C6orf118: variants seen among roughly 807,000 people sequenced by gnomAD.
C6orf118 encodes the protein uncharacterized protein C6orf118.
In C6orf118, 50 loss-of-function variants were observed where a neutral mutation model predicts 50.2. The ratio of observed to expected loss-of-function variants is 1.00; its 90% CI spans 0.79 to 1.26. The LOEUF (loss-of-function observed/expected upper bound fraction) is 1.26. Among genes scored for constraint, C6orf118 ranks in the 50% most tolerant of loss-of-function variants. The pLI is 0.00. For missense variants in C6orf118, 641 were observed against 578.7 expected, an observed-to-expected ratio of 1.11 and a Z score of -1.10; for synonymous variants, 239 against 230.9, an observed-to-expected ratio of 1.03 and a Z score of -0.32.
At chr6:165,297,175 C>G (rs1424284202) in intron 5 of C6orf118, among the ~76,000 whole-genome samples, 1 of 152,096 alleles carries the variant, frequency 6.6e-6, no homozygotes, top group East Asian at 1.9e-4. Context: ...AATCCCAGCA[C>G]TTTGGGAGGC....
At chr6:165,292,883 C>G (rs1310798274) in intron 6 of C6orf118, among the ~76,000 whole-genome samples, 1 of 152,156 alleles carries the variant, frequency 6.6e-6, no homozygotes, top group South Asian at 2.1e-4. Context: ...CGAGGCCAAG[C>G]TCTACTAAGA....
chr6:165,282,177 A>T (rs1371264576), intron 7 of C6orf118, among the ~76,000 whole-genome samples: 2 of 152,170 alleles, frequency 1.3e-5, no homozygotes, highest in African/African-American at 4.8e-5. Context: ...TACATTAAGT[A>T]AGTATAAAAT....
chr6:165,293,241 C>G lies in C6orf118; in HGVS notation c.1120+172G>C, dbSNP rs1780166743. 5 of 681,510 alleles carry G rather than the reference C, an allele frequency of 7.3e-6. No homozygotes were observed. In the Admixed American group the frequency reaches 9.6e-5, roughly 13 times the overall value. 42.2% of individuals were successfully genotyped at this position (681,510 alleles called of 1,614,324 possible). A position where few individuals can be genotyped will look rare whatever the true frequency, so the allele number is the denominator to read the frequency against. On this transcript the variant is annotated intron_variant, in intron 6 of 8. Coordinates refer to ENST00000230301, the MANE Select transcript of C6orf118 (RefSeq NM_144980.4). Reference sequence around the variant, plus strand: ...CAAACAGGCAGTCACCACCACGTGCCAGGCCCTGTGATCTTGGGTGATGTG... The same window carrying G: ...CAAACAGGCAGTCACCACCACGTGCGAGGCCCTGTGATCTTGGGTGATGTG...
At position 165,301,670 on chromosome 6, in the gene C6orf118, A is replaced by G. The variant is rs1349510684; in HGVS notation, c.652T>C (p.Phe218Leu). The G allele has an allele frequency of 1.2e-6, 2 of 1,614,022 alleles. No individual in the cohort carries two copies. The highest frequency in any genetic ancestry group is 2.7e-5 in the African/African-American group (2 of 74,904). ...AGCACTTCCTTCTGGAAACGCAGGA[A>G]CATCCTGTACCTGTCTGCGCTGGTG... ...GATSADRYRM[F>L]LRFQKEVLAK... is the part of the protein sequence containing the mutation. The change falls in exon 2 of 9, where the codon TTC becomes CTC. Residue 218 changes from phenylalanine to leucine, a missense_variant. Phe to Leu is a conservative substitution (Grantham distance 22, BLOSUM62 0). Coordinates refer to ENST00000230301, the MANE Select transcript of C6orf118 (RefSeq NM_144980.4).
intron 5 of C6orf118, among the ~76,000 whole-genome samples, chr6:165,297,502 T>G (rs1043481090): frequency 3.3e-5 from 5 of 152,184 alleles, no homozygotes; most frequent in Non-Finnish European, 4.4e-5. Context: ...TTGGTTTTGT[T>G]TCTTGTTTCA....
intron 1 of C6orf118, among the ~76,000 whole-genome samples, chr6:165,305,214 C>A (rs1166250715): frequency 7.4e-5 from 5 of 67,402 alleles, no homozygotes; most frequent in Non-Finnish European, 1.2e-4. Flanking sequence ...GAAAAACAAG[C>A]AATGGGGAAA....
Position 165,299,460 on chromosome 6 carries a change from G to T in C6orf118, c.919C>A (p.Pro307Thr), listed in dbSNP as rs761791987. Residue 307 changes from proline (P) to threonine (T), a missense_variant, in exon 4 of 9, where the codon CCT becomes ACT. Physicochemically the swap from Pro to Thr is conservative, Grantham distance 38. Transcript: ENST00000230301. ...LYMATLLESQ[P>T]AAQYEALLAQ... ...ATCGTCACCTCGTACTGTGCTGCAG[G>T]CTGGGACTCCAGGAGCGTTGCCATG... 1 of 1,613,950 alleles carries T rather than the reference G, an allele frequency of 6.2e-7. No individual in the cohort carries two copies. The highest frequency in any genetic ancestry group is 1.3e-5 in the African/African-American group (1 of 74,888).
chr6:165,286,184 T>C (rs1779897296), intron 7 of C6orf118, among the ~76,000 whole-genome samples: 1 of 152,050 alleles, frequency 6.6e-6, no homozygotes. Flanking sequence ...CTAGAATAAA[T>C]GGATAAATTT....
chr6:165,308,376 A>C lies in C6orf118; in HGVS notation c.25+1186T>G, dbSNP rs73788333. Among the ~76,000 whole-genome samples, 1,047 of 152,238 alleles carry C rather than the reference A, an allele frequency of 6.9e-3. 12 individuals carry two copies. Among genetic ancestry groups the C allele is most frequent in the African/African-American group, 0.024 (1,000 of 41,532 alleles). On this transcript the variant is annotated intron_variant, in intron 1 of 8. Transcript: ENST00000230301. ...GGTCAGGGAAGTTGCAAGGAAAGGA[A>C]GCTTCCAGACTCGCTGGATCCCAGG...
In C6orf118 at chr6:165,301,975, G is replaced by C; in HGVS notation, c.347C>G (p.Thr116Arg). 2 of 1,613,706 alleles carry C rather than the reference G, an allele frequency of 1.2e-6. No individual in the cohort carries two copies. ...KEALAHFTIH[T>R]ALVPSEAQDT... ...CTGGGCCTCACTGGGGACCAGGGCC[G>C]TGTGGATGGTGAAGTGGGCCAGGGC... The change falls in exon 2 of 9, where the codon ACG becomes AGG. Residue 116 changes from threonine (T) to arginine (R), a missense_variant. Coordinates refer to ENST00000230301, the MANE Select transcript of C6orf118 (RefSeq NM_144980.4).
chr6:165,289,261 T>C (rs1780024914), intron 7 of C6orf118, among the ~76,000 whole-genome samples: 1 of 151,940 alleles, frequency 6.6e-6, no homozygotes. Flanking sequence ...ATAAAGAAGG[T>C]TGGACCACCA....
In C6orf118 at chr6:165,280,082, C is replaced by T. The variant is rs139519350; in HGVS notation, c.1385G>A (p.Cys462Tyr). 2.9e-4 allele frequency: 472 copies of T among 1,608,048 alleles called. No homozygotes were observed. The highest frequency in any genetic ancestry group is 3.8e-4 in the Non-Finnish European group (451 of 1,178,446). ...TTATCTTCTGTTTCCTCTGATTTTA[C>T]AAATTCCTTGATAAATTTCCAAAGG... Reference protein sequence around the residue: ...KGPLEIYQGICKIRGNRR With the variant: ...KGPLEIYQGIYKIRGNRR Residue 462 changes from cysteine to tyrosine, a missense_variant, in exon 9 of 9, where the codon TGT becomes TAT. Transcript: ENST00000230301.
intron 1 of C6orf118, 84 bp downstream of exon 1, chr6:165,309,478 A>G (rs947218694): frequency 3.0e-5 from 45 of 1,521,458 alleles, no homozygotes; most frequent in Non-Finnish European, 3.9e-5. Flanking sequence ...TCACATTTCA[A>G]ATCAGTCTTC....
In C6orf118 at chr6:165,300,417, C is replaced by T; in HGVS notation, c.823G>A (p.Glu275Lys). The change falls in exon 3 of 9, where the codon GAA becomes AAA. Residue 275 changes from glutamate to lysine, a missense_variant. Physicochemically the swap from Glu to Lys is moderately conservative, Grantham distance 56. Transcript: ENST00000230301. ...NRLHVFGKVF[E>K]DICNSSLIFG... ...ATCAAAGAACTGTTACAAATATCTT[C>T]AAAGACTTTTCCAAAGACGTGCAGT... 1 of 1,613,994 alleles carries T rather than the reference C, an allele frequency of 6.2e-7. No homozygotes were observed. Among genetic ancestry groups the T allele is most frequent in the South Asian group, 1.1e-5 (1 of 91,066 alleles).
chr6:165,307,412 A>G (rs1189409927), intron 1 of C6orf118, among the ~76,000 whole-genome samples: 6 of 152,084 alleles, frequency 3.9e-5, no homozygotes, highest in Non-Finnish European at 1.5e-5. Context: ...TACAGAAATT[A>G]GACAGGCATG....
At chr6:165,296,932 G>C (rs2128161038) in intron 5 of C6orf118, among the ~76,000 whole-genome samples, 1 of 152,266 alleles carries the variant, frequency 6.6e-6, no homozygotes, top group African/African-American at 2.4e-5. Context: ...ACAACCACGA[G>C]GGCTTCTGCC....
chr6:165,309,505 A>G (rs1780865160), intron 1 of C6orf118, 57 bp downstream of exon 1: 7 of 1,603,730 alleles, frequency 4.4e-6, no homozygotes, highest in Non-Finnish European at 5.1e-6. Context: ...CCATCCCTCC[A>G]CAATTGAACA....
Position 165,279,882 on chromosome 6 carries a change from G to T in C6orf118, c.*175C>A, listed in dbSNP as rs1286205233. On this transcript the variant is annotated 3_prime_UTR_variant, in exon 9 of 9. Coordinates refer to ENST00000230301, the MANE Select transcript of C6orf118 (RefSeq NM_144980.4). The stretch of plus-strand genomic sequence containing the variant: ...TGCAACAGAAACTAATCATGTGTAC[G>T]CATGTGTGTATTTCAGTATCCTGAG... 1.8e-6 allele frequency: 1 copy of T among 550,902 alleles called. No individual in the cohort carries two copies. Among genetic ancestry groups the T allele is most frequent in the East Asian group, 3.3e-5 (1 of 30,658 alleles). 34.1% of individuals were successfully genotyped at this position (550,902 alleles called of 1,614,324 possible). A position where few individuals can be genotyped will look rare whatever the true frequency, so the allele number is the denominator to read the frequency against.
chr6:165,281,385 T>C (rs1779726040), intron 8 of C6orf118: 1 of 580,800 alleles, frequency 1.7e-6, no homozygotes, highest in Admixed American at 5.3e-5. Flanking sequence ...GTGTGAACCC[T>C]TCAAAGGTCT....
Sources: allele counts gnomAD v4.1 joint callset (sites outside exome capture counted in the v4.1 genomes callset), GRCh38; gene constraint gnomAD v4.1.1; transcripts MANE v1.5; gene names NCBI Gene and HGNC (gene_info 2026-07-23, HGNC 2026-07-21).